Variants in PTPRD observed in about 807,000 individuals in gnomAD.
The protein encoded by PTPRD is receptor-type tyrosine-protein phosphatase delta.
Under a neutral mutation model 214.5 loss-of-function variants are expected in PTPRD, and 34 were observed. The ratio of observed to expected loss-of-function variants is 0.16; its 90% CI spans 0.12 to 0.21. The LOEUF is 0.21. Ranked by LOEUF, PTPRD falls within the 10% of genes least tolerant of loss-of-function variation. PTPRD has a pLI of 1.00. For synonymous variants in PTPRD, 1,128 were observed against 845.7 expected (o/e 1.33, Z -5.79); for missense variants, 2,545 against 2,398.7 (o/e 1.06, Z -1.27).
intron 2 of PTPRD, among the ~76,000 whole-genome samples, chr9:10,415,906 T>C (rs573575537): frequency 6.6e-6 from 1 of 151,696 alleles, no homozygotes; most frequent in South Asian, 2.1e-4. Flanking sequence ...GAGAAAGAAA[T>C]CCAGAGAGAG....
At chr9:8,478,496 T>C (rs550715583) in intron 30 of PTPRD, among the ~76,000 whole-genome samples, 1 of 151,462 alleles carries the variant, frequency 6.6e-6, no homozygotes, top group African/African-American at 2.5e-5. Flanking sequence ...GAGTACCTTC[T>C]GGTAGTTTTT....
intron 9 of PTPRD, among the ~76,000 whole-genome samples, chr9:9,200,809 C>A (rs935218846): frequency 8.5e-5 from 13 of 152,144 alleles, no homozygotes; most frequent in African/African-American, 2.4e-4. Context: ...CCAAAAACTG[C>A]AAAAACCTTT....
intron 34 of PTPRD, among the ~76,000 whole-genome samples, chr9:8,449,422 GAAATAAT>G (rs1047215186): frequency 6.6e-6 from 1 of 151,966 alleles, no homozygotes; most frequent in Non-Finnish European, 1.5e-5. Context: ...GGTGTCATTG[GAAATAAT>G]AAAAACAATA....
chr9:9,878,495 G>A (rs1291424825), intron 5 of PTPRD, among the ~76,000 whole-genome samples: 1 of 152,140 alleles, frequency 6.6e-6, no homozygotes, highest in Non-Finnish European at 1.5e-5. Flanking sequence ...GCATTATCCA[G>A]GAGGGGCAAA....
At chr9:10,012,478 C>T (rs2096621879) in intron 4 of PTPRD, among the ~76,000 whole-genome samples, 1 of 151,940 alleles carries the variant, frequency 6.6e-6, no homozygotes, top group Admixed American at 6.6e-5. Context: ...AAAAGTCATT[C>T]TCCACAATCC....
At chr9:8,529,131 A>G (rs1592863188) in intron 14 of PTPRD, among the ~76,000 whole-genome samples, 1 of 152,102 alleles carries the variant, frequency 6.6e-6, no homozygotes, top group African/African-American at 2.4e-5. Context: ...GAAAGAACAC[A>G]ATCGGCCAAG....
intron 3 of PTPRD, among the ~76,000 whole-genome samples, chr9:10,335,582 A>G (rs906945025): frequency 5.9e-5 from 9 of 151,848 alleles, no homozygotes; most frequent in African/African-American, 2.2e-4. Flanking sequence ...CATGAAATAA[A>G]TAAATGATAA....
Position 8,517,941 on chromosome 9 carries a change from G to A in PTPRD, c.1450C>T (p.Pro484Ser), listed in dbSNP as rs2138472570. Residue 484 changes from proline (P) to serine (S), a missense_variant, in exon 21 of 46, where the codon CCC becomes TCC. Physicochemically the swap from Pro to Ser is moderately conservative, Grantham distance 74. Transcript: ENST00000381196. ...SQITTIGNLV[P>S]QKTYSVKVLA... ...ACTTTGACAGAATATGTTTTCTGGG[G>A]CACTAAGTTGCCAATAGTAGTGATT... The A allele has an allele frequency of 1.2e-6, 2 of 1,614,136 alleles. No homozygotes were observed. Among genetic ancestry groups the A allele is most frequent in the Non-Finnish European group, 1.7e-6 (2 of 1,180,008 alleles).
intron 2 of PTPRD, among the ~76,000 whole-genome samples, chr9:10,431,465 C>A (rs929613502): frequency 6.6e-6 from 1 of 152,018 alleles, no homozygotes; most frequent in African/African-American, 2.4e-5. Flanking sequence ...AGCTTCTGCA[C>A]AGCAGAAGAA....
intron 5 of PTPRD, among the ~76,000 whole-genome samples, chr9:9,807,121 A>C (rs1050227041): frequency 4.0e-5 from 6 of 151,894 alleles, no homozygotes; most frequent in African/African-American, 1.2e-4. Flanking sequence ...ATAAACTTTC[A>C]CTCCCGCTGC....
chr9:9,698,658 G>A (rs116717811), intron 7 of PTPRD, among the ~76,000 whole-genome samples: 161 of 152,178 alleles, frequency 1.1e-3, no homozygotes, highest in African/African-American at 3.7e-3. Flanking sequence ...CTGCCTTCAC[G>A]CCCTCCCAAT....
intron 7 of PTPRD, among the ~76,000 whole-genome samples, chr9:9,722,456 A>C (rs567474369): frequency 6.6e-6 from 1 of 152,202 alleles, no homozygotes; most frequent in South Asian, 2.1e-4. Context: ...ATATTTAAAA[A>C]ATTTATTCAT....
intron 8 of PTPRD, among the ~76,000 whole-genome samples, chr9:9,563,333 A>T (rs144468029): frequency 6.6e-6 from 1 of 152,158 alleles, no homozygotes; most frequent in Admixed American, 6.6e-5. Flanking sequence ...ATAAGGTGGG[A>T]TCAGAATGCT....
At chr9:9,895,861 TA>T (rs1490110504) in intron 5 of PTPRD, among the ~76,000 whole-genome samples, 1 of 152,028 alleles carries the variant, frequency 6.6e-6, no homozygotes, top group Admixed American at 6.6e-5. Flanking sequence ...ATAAATAACT[TA>T]AAAATCGAGT....
At chr9:9,321,281 T>C (rs1966341399) in intron 9 of PTPRD, among the ~76,000 whole-genome samples, 1 of 152,130 alleles carries the variant, frequency 6.6e-6, no homozygotes, top group Non-Finnish European at 1.5e-5. Flanking sequence ...CTGGGCTGGG[T>C]GCAGTGGCTC....
chr9:8,810,225 T>C (rs1045488729), intron 11 of PTPRD, among the ~76,000 whole-genome samples: 1 of 152,126 alleles, frequency 6.6e-6, no homozygotes, highest in Non-Finnish European at 1.5e-5. Flanking sequence ...ATGATAGACT[T>C]TGGAAAGAAA....
chr9:10,478,799 G>C (rs974841848), intron 2 of PTPRD, among the ~76,000 whole-genome samples: 4 of 151,466 alleles, frequency 2.6e-5, no homozygotes, highest in African/African-American at 7.3e-5. Context: ...AAATTCTATT[G>C]CCTATGGATC....
chr9:9,868,905 G>A (rs1372007310), intron 5 of PTPRD, among the ~76,000 whole-genome samples: 1 of 151,950 alleles, frequency 6.6e-6, no homozygotes, highest in East Asian at 1.9e-4. Flanking sequence ...ATTCCTTTAT[G>A]TAAGAAAGAT....
At chr9:8,854,129 T>G (rs184675378) in intron 11 of PTPRD, among the ~76,000 whole-genome samples, 307 of 152,248 alleles carry the variant, frequency 2.0e-3, no homozygotes, top group African/African-American at 7.0e-3. Flanking sequence ...AACGTAAAGT[T>G]TATTTTCGAG....
Sources: gnomAD v4.1 joint callset for allele counts (sites outside exome capture counted in the v4.1 genomes callset) on GRCh38, gnomAD v4.1.1 for gene constraint, MANE v1.5 for transcripts, NCBI Gene and HGNC (gene_info 2026-07-23, HGNC 2026-07-21) for gene names.